The following C10orf67 variants were observed in gnomAD, a reference collection of about 807,000 sequenced individuals.
The protein encoded by C10orf67 is chromosome 10 open reading frame 67.
Under a neutral mutation model 35.6 loss-of-function variants are expected in C10orf67, and 60 were observed. The ratio of observed to expected loss-of-function variants is 1.68; its 90% confidence interval spans 1.37 to 2.09. C10orf67 has a LOEUF of 2.09. C10orf67 is among the 30% of genes most tolerant of loss of function. The pLI, the probability that C10orf67 is intolerant of heterozygous loss-of-function variation, is 0.00. For missense variants in C10orf67, 474 were observed against 330.2 expected (o/e 1.44, Z -3.38); for synonymous variants, 167 against 115.8 (o/e 1.44, Z -2.84).
intron 15 of C10orf67, among the ~76,000 whole-genome samples, chr10:23,207,521 C>T (rs578225071): frequency 2.0e-5 from 3 of 152,330 alleles, no homozygotes; most frequent in South Asian, 2.1e-4. Flanking sequence ...CAGCCTTTAA[C>T]GTCTCATCAA....
intron 13 of C10orf67, among the ~76,000 whole-genome samples, chr10:23,232,030 G>T (rs760564254): frequency 6.6e-6 from 1 of 152,148 alleles, no homozygotes; most frequent in Non-Finnish European, 1.5e-5. Flanking sequence ...AAAAATTAGA[G>T]CAATAGTTCC....
chr10:23,329,469 GAAAT>G (rs1201761499), intron 2 of C10orf67, among the ~76,000 whole-genome samples: 1 of 152,060 alleles, frequency 6.6e-6, no homozygotes, highest in East Asian at 1.9e-4. Context: ...AAACATTGAA[GAAAT>G]AGATATTCCC....
At chr10:23,251,332 A>G (rs1016582999) in intron 10 of C10orf67, among the ~76,000 whole-genome samples, 7 of 152,132 alleles carry the variant, frequency 4.6e-5, no homozygotes, top group African/African-American at 1.7e-4. Flanking sequence ...TCCTTCACTT[A>G]CTGTGGTCTC....
intron 4 of C10orf67, among the ~76,000 whole-genome samples, chr10:23,310,657 A>G (rs1844462116): frequency 1.3e-5 from 2 of 151,856 alleles, no homozygotes; most frequent in Admixed American, 1.3e-4. Context: ...CTTCTGTGAA[A>G]TTTTTCTGGC....
chr10:23,270,961 A>G (rs896599570), intron 8 of C10orf67, among the ~76,000 whole-genome samples: 15 of 152,222 alleles, frequency 9.9e-5, no homozygotes. Flanking sequence ...AGCCCCAATT[A>G]AAAGACATAA....
chr10:23,285,865 T>C (rs924338318), intron 7 of C10orf67, among the ~76,000 whole-genome samples: 2 of 152,238 alleles, frequency 1.3e-5, no homozygotes, highest in Admixed American at 6.5e-5. Context: ...AAGTGCTCAA[T>C]AGCCACATGT....
chr10:23,308,016 A>T (rs1844350655), intron 4 of C10orf67, among the ~76,000 whole-genome samples: 1 of 152,138 alleles, frequency 6.6e-6, no homozygotes, highest in Admixed American at 6.6e-5. Context: ...TAAGGTCAAC[A>T]CACATTTATT....
chr10:23,252,737 T>C lies in C10orf67; in HGVS notation c.1201-2046A>G, dbSNP rs546209839. 9.2e-5 allele frequency among the ~76,000 whole-genome samples: 14 copies of C among 152,346 alleles called. 1 individual carries two copies. In the South Asian group the frequency reaches 2.9e-3, roughly 32 times the overall value. ...TTTGTGTGCTAGCCTTTTTTTGTTTTGTTTTGTTTTGTTTGTTTTTGATGA... is the reference window on the plus strand; with the variant it reads ...TTTGTGTGCTAGCCTTTTTTTGTTTCGTTTTGTTTTGTTTGTTTTTGATGA... On this transcript the variant is annotated intron_variant, in intron 10 of 15. Transcript: ENST00000636213.
At chr10:23,311,957 C>T (rs931625441) in intron 4 of C10orf67, among the ~76,000 whole-genome samples, 18 of 152,060 alleles carry the variant, frequency 1.2e-4, no homozygotes, top group Non-Finnish European at 1.5e-5. Context: ...GGAAGCAAGT[C>T]AATTGCTTAC....
At chr10:23,330,785 G>A (rs1330161359) in intron 2 of C10orf67, among the ~76,000 whole-genome samples, 2 of 151,594 alleles carry the variant, frequency 1.3e-5, no homozygotes, top group Non-Finnish European at 2.9e-5. Context: ...CGAGAAATAA[G>A]TTAATTTCTC....
In C10orf67 at chr10:23,251,083, C is replaced by T. The variant is rs146807584; in HGVS notation, c.1201-392G>A. ...CTGCACTCCAGCCTGGATGACAGAACGAGACCCTGTCTCAAAAAAATTTTT... is the reference window on the plus strand; with the variant it reads ...CTGCACTCCAGCCTGGATGACAGAATGAGACCCTGTCTCAAAAAAATTTTT... On this transcript the variant is annotated intron_variant, in intron 10 of 15. Transcript: ENST00000636213. Among the ~76,000 whole-genome samples the T allele has an allele frequency of 4.6e-3, 697 of 152,112 alleles. 3 individuals are homozygous for T. Among genetic ancestry groups the T allele is most frequent in the African/African-American group, 0.016 (661 of 41,492 alleles).
At chr10:23,246,161 G>C (rs1842310967) in intron 12 of C10orf67, among the ~76,000 whole-genome samples, 2 of 152,132 alleles carry the variant, frequency 1.3e-5, no homozygotes, top group Non-Finnish European at 2.9e-5. Context: ...AGGACACATA[G>C]ACACAAAGAT....
At chr10:23,248,360 T>A (rs2132153626) in intron 12 of C10orf67, among the ~76,000 whole-genome samples, 1 of 152,322 alleles carries the variant, frequency 6.6e-6, no homozygotes, top group African/African-American at 2.4e-5. Context: ...GGCAGTCGCA[T>A]CAGGCTTGGC....
intron 12 of C10orf67, among the ~76,000 whole-genome samples, chr10:23,240,836 C>T (rs1006746314): frequency 2.6e-5 from 4 of 152,140 alleles, no homozygotes; most frequent in African/African-American, 9.7e-5. Flanking sequence ...AGTGACTTCC[C>T]ATGACAAACA....
chr10:23,263,222 C>A (rs546820636), intron 10 of C10orf67, among the ~76,000 whole-genome samples: 3 of 152,254 alleles, frequency 2.0e-5, no homozygotes, highest in African/African-American at 7.2e-5. Flanking sequence ...AAACAGTAAG[C>A]AGATTATATT....
At chr10:23,288,462 C>T (rs1001104783) in intron 7 of C10orf67, among the ~76,000 whole-genome samples, 1 of 152,034 alleles carries the variant, frequency 6.6e-6, no homozygotes, top group Non-Finnish European at 1.5e-5. Flanking sequence ...CACACCAGGG[C>T]CTGTTGGGGG....
chr10:23,310,773 T>C (rs1327041118), intron 4 of C10orf67, among the ~76,000 whole-genome samples: 1 of 152,188 alleles, frequency 6.6e-6, no homozygotes, highest in South Asian at 2.1e-4. Context: ...AAATACTCTC[T>C]TTCTCTCTCC....
intron 5 of C10orf67, among the ~76,000 whole-genome samples, chr10:23,296,416 C>T (rs1843881891): frequency 1.3e-5 from 2 of 152,124 alleles, no homozygotes; most frequent in Admixed American, 1.3e-4. Context: ...TCTGATTGGT[C>T]TGGTGTGAGC....
chr10:23,226,817 T>C (rs1018529550), intron 13 of C10orf67, among the ~76,000 whole-genome samples: 1 of 152,082 alleles, frequency 6.6e-6, no homozygotes, highest in Non-Finnish European at 1.5e-5. Flanking sequence ...AACACCTCTA[T>C]GCAAATAAAC....
Sources: allele counts gnomAD v4.1 joint callset (sites outside exome capture counted in the v4.1 genomes callset), GRCh38; gene constraint gnomAD v4.1.1; transcripts MANE v1.5; gene names NCBI Gene and HGNC (gene_info 2026-07-23, HGNC 2026-07-21).